The following CCNY variants were observed in gnomAD, a reference collection of about 807,000 sequenced individuals.
CCNY encodes cyclin Y, also known as cyclin-Y.
CCNY carries 19 observed loss-of-function variants against 42.8 expected under a neutral mutation model. The ratio of observed to expected loss-of-function variants is 0.44; its 90% confidence interval spans 0.31 to 0.65. CCNY has a LOEUF of 0.65. Among genes scored for constraint, CCNY ranks in the 30% least tolerant of loss-of-function variants. CCNY has a pLI of 0.07. For missense variants in CCNY, 370 were observed against 437.3 expected (o/e 0.85, Z 1.37); for synonymous variants, 165 against 162.7 (o/e 1.01, Z -0.11).
At chr10:35,267,740 GC>G (rs1447494194) in intron 3 of CCNY, among the ~76,000 whole-genome samples, 2 of 152,190 alleles carry the variant, frequency 1.3e-5, no homozygotes, top group African/African-American at 4.8e-5. Context: ...CACGAGTGCT[GC>G]CCTTTTGTTC....
intron 1 of CCNY, among the ~76,000 whole-genome samples, chr10:35,379,197 C>T (rs1045541255): frequency 2.0e-5 from 3 of 152,116 alleles, no homozygotes; most frequent in Non-Finnish European, 2.9e-5. Flanking sequence ...GGCAGGCTCT[C>T]GGGTCCAAAA....
chr10:35,270,474 G>C (rs534529238), intron 3 of CCNY, among the ~76,000 whole-genome samples: 2 of 152,016 alleles, frequency 1.3e-5, no homozygotes, highest in Non-Finnish European at 2.9e-5. Flanking sequence ...CTTGTTTCAG[G>C]GTTGATAAAC....
chr10:35,493,369 G>T (rs1839940974), intron 2 of CCNY, among the ~76,000 whole-genome samples: 1 of 152,176 alleles, frequency 6.6e-6, no homozygotes. Flanking sequence ...CCTGTGGCCT[G>T]CTGGTAGCCA....
intron 3 of CCNY, among the ~76,000 whole-genome samples, chr10:35,282,900 C>T (rs1050174375): frequency 3.9e-5 from 6 of 152,048 alleles, no homozygotes; most frequent in Admixed American, 2.6e-4. Flanking sequence ...ATACATCTTA[C>T]GGTGCCCAAG....
rs1840747677 is a variant in CCNY at position 35,530,750 on chromosome 10, A to G, written c.579+507A>G. The stretch of plus-strand genomic sequence containing the variant: ...TTCAGAGACAGTATGGAGGTAACGT[A>G]TATTTTAAGACTCAAGAAAAAATAA... On this transcript the variant is annotated intron_variant, in intron 7 of 9. Transcript: ENST00000374704. This position sits in a 1 kb window ranked among gnomAD's most constrained non-coding sequence, Gnocchi z 4.3. Among the ~76,000 whole-genome samples the G allele has an allele frequency of 1.3e-5, 2 of 152,214 alleles. No individual in the cohort carries two copies. Among genetic ancestry groups the G allele is most frequent in the South Asian group, 4.1e-4 (2 of 4,832 alleles).
intron 1 of CCNY, among the ~76,000 whole-genome samples, chr10:35,362,728 C>T (rs1251996429): frequency 2.0e-5 from 3 of 152,242 alleles, no homozygotes; most frequent in Non-Finnish European, 2.9e-5. Context: ...GCGCTCCTCA[C>T]TTCCCAGACG....
intron 3 of CCNY, among the ~76,000 whole-genome samples, chr10:35,276,690 G>A (rs1338589577): frequency 6.6e-6 from 1 of 152,180 alleles, no homozygotes; most frequent in African/African-American, 2.4e-5. Context: ...CTGGCAGGGA[G>A]CCCAGTTGTG....
intron 1 of CCNY, among the ~76,000 whole-genome samples, chr10:35,391,423 A>G (rs544442464): frequency 1.3e-5 from 2 of 152,314 alleles, no homozygotes; most frequent in South Asian, 4.1e-4. Flanking sequence ...GTCAAAGCAG[A>G]TGACCGGAAT....
intron 3 of CCNY, among the ~76,000 whole-genome samples, chr10:35,331,325 T>C (rs545067180): frequency 6.7e-4 from 102 of 152,300 alleles, no homozygotes; most frequent in African/African-American, 2.3e-3. Flanking sequence ...CACATATATA[T>C]ACCATTTCTC....
chr10:35,301,752 C>T (rs1835536209), intron 3 of CCNY, among the ~76,000 whole-genome samples: 1 of 152,070 alleles, frequency 6.6e-6, no homozygotes, highest in African/African-American at 2.4e-5. Context: ...GCCTCAGCCT[C>T]CTGAGTAGCT....
intron 2 of CCNY, among the ~76,000 whole-genome samples, chr10:35,249,768 G>C (rs1017696784): frequency 1.3e-5 from 2 of 152,200 alleles, no homozygotes; most frequent in Non-Finnish European, 2.9e-5. Context: ...TCTAAAGTGA[G>C]ACGGAGTGCA....
intron 1 of CCNY, among the ~76,000 whole-genome samples, chr10:35,435,320 C>T (rs1245870989): frequency 6.6e-6 from 1 of 152,196 alleles, no homozygotes; most frequent in African/African-American, 2.4e-5. Context: ...TCTGTTCTAC[C>T]TATGGACAGG....
intron 3 of CCNY, among the ~76,000 whole-genome samples, chr10:35,283,982 G>C (rs1835325604): frequency 6.6e-6 from 1 of 152,096 alleles, no homozygotes. Flanking sequence ...TACTTGGGAG[G>C]CTGAGGCAGG....
At chr10:35,383,785 A>C (rs1008577471) in intron 1 of CCNY, among the ~76,000 whole-genome samples, 4 of 152,170 alleles carry the variant, frequency 2.6e-5, no homozygotes, top group Non-Finnish European at 5.9e-5. Context: ...GATGATTTTT[A>C]AGATCAAGCT....
At position 35,549,659 on chromosome 10, in the gene CCNY, A is replaced by G. The variant is rs538581825; in HGVS notation, c.580-3360A>G. ...CGTGACCCTGCGCTGCTCATGGCCC[A>G]TGACCCTACACTGTTCGTGACCCTG... On this transcript the variant is annotated intron_variant, in intron 7 of 9. Transcript: ENST00000374704. 3.5e-3 allele frequency among the ~76,000 whole-genome samples: 495 copies of G among 139,716 alleles called. 1 individual carries two copies. Among genetic ancestry groups the G allele is most frequent in the Admixed American group, 4.8e-3 (69 of 14,244 alleles). 91.7% of individuals were successfully genotyped at this position (139,716 alleles called of 152,430 possible).
chr10:35,507,792 GTT>G lies in CCNY; in HGVS notation c.264+6272_264+6273del, dbSNP rs59237920. ...GACACTGTTGAAGAATACAGGGCCA[GTT>G]TTTTTTTTTTTTTTAAATAATAATG... On this transcript the variant is annotated intron_variant, in intron 3 of 9. Transcript: ENST00000374704. Among the ~76,000 whole-genome samples, 160 of 143,384 alleles carry G rather than the reference GTT, an allele frequency of 1.1e-3. 1 individual carries two copies. Among genetic ancestry groups the G allele is most frequent in the East Asian group, 1.4e-3 (7 of 4,984 alleles). 94.1% of individuals were successfully genotyped at this position (143,384 alleles called of 152,430 possible).
chr10:35,564,497 A>G (rs7076372), intron 8 of CCNY, among the ~76,000 whole-genome samples: 4,354 of 152,160 alleles, frequency 0.029, 137 homozygotes, highest in African/African-American at 0.075. Flanking sequence ...GCTGAGTGCT[A>G]TGAGTCACCG....
chr10:35,520,812 G>C (rs1840531748), intron 4 of CCNY, among the ~76,000 whole-genome samples: 1 of 152,174 alleles, frequency 6.6e-6, no homozygotes, highest in African/African-American at 2.4e-5. Context: ...GCTGTGGTAT[G>C]AATTTAGAGT....
At chr10:35,440,968 C>G (rs187958777) in intron 1 of CCNY, among the ~76,000 whole-genome samples, 27 of 152,280 alleles carry the variant, frequency 1.8e-4, no homozygotes, top group Admixed American at 1.0e-3. Context: ...GATGGGTGCT[C>G]TTATTTCCAT....
Sources: gnomAD v4.1 joint callset for allele counts (sites outside exome capture counted in the v4.1 genomes callset) on GRCh38, gnomAD v4.1.1 for gene constraint, Gnocchi (gnomAD v3.1) non-coding constraint, MANE v1.5 for transcripts, NCBI Gene and HGNC (gene_info 2026-07-23, HGNC 2026-07-21) for gene names.